The following STXBP5L variants were observed in gnomAD, a reference collection of about 807,000 sequenced individuals.
STXBP5L encodes the protein syntaxin binding protein 5L, also known as syntaxin-binding protein 5-like.
Under a neutral mutation model 144.5 loss-of-function variants are expected in STXBP5L, and 65 were observed. The observed-to-expected ratio is 0.45, with a 90% CI of 0.37 to 0.55. STXBP5L has a LOEUF of 0.55. Among genes scored for constraint, STXBP5L ranks in the 20% least tolerant of loss-of-function variants. The pLI, the probability that STXBP5L is intolerant of heterozygous loss-of-function variation, is 0.00. For missense variants in STXBP5L, 1,298 were observed against 1,405.5 expected (o/e 0.92, Z 1.22); for synonymous variants, 505 against 469.6 (o/e 1.08, Z -0.97).
At chr3:120,985,721 G>A (rs1942226931) in intron 3 of STXBP5L, among the ~76,000 whole-genome samples, 1 of 151,772 alleles carries the variant, frequency 6.6e-6, no homozygotes. Flanking sequence ...ATTGTTATAG[G>A]ATTGCCTTAT....
Position 121,143,513 on chromosome 3 carries a change from G to A in STXBP5L, c.670-8964G>A, listed in dbSNP as rs962448678. On this transcript the variant is annotated intron_variant, in intron 7 of 26. Coordinates refer to ENST00000471454, the MANE Select transcript of STXBP5L (RefSeq NM_001308330.2). The stretch of plus-strand genomic sequence containing the variant: ...GTGGGATCTATCTCTGAAGTGCAAG[G>A]ATGATTCAACACATAATAATAACAC... Among the ~76,000 whole-genome samples the A allele has an allele frequency of 3.3e-5, 5 of 151,822 alleles. 1 individual carries two copies. The highest frequency in any genetic ancestry group is 4.1e-4 in the South Asian group (2 of 4,824).
At chr3:121,161,068 C>T (rs2046308272) in intron 9 of STXBP5L, among the ~76,000 whole-genome samples, 1 of 151,838 alleles carries the variant, frequency 6.6e-6, no homozygotes. Context: ...ATCATCATGT[C>T]TTTTTTTAAT....
chr3:121,102,973 A>C (rs2043505917), intron 5 of STXBP5L, among the ~76,000 whole-genome samples: 1 of 152,200 alleles, frequency 6.6e-6, no homozygotes, highest in Non-Finnish European at 1.5e-5. Flanking sequence ...TAATCATCAG[A>C]GAAATGCAAA....
intron 3 of STXBP5L, among the ~76,000 whole-genome samples, chr3:121,034,672 T>C (rs1226733688): frequency 2.0e-5 from 3 of 152,156 alleles, no homozygotes; most frequent in Non-Finnish European, 4.4e-5. Context: ...CGAATAGTGC[T>C]GCAATAAACT....
intron 5 of STXBP5L, among the ~76,000 whole-genome samples, chr3:121,055,151 C>G (rs1948361151): frequency 6.6e-6 from 1 of 152,042 alleles, no homozygotes; most frequent in African/African-American, 2.4e-5. Flanking sequence ...ATATTTATCT[C>G]TTAAGAAAGA....
At position 120,992,943 on chromosome 3, in the gene STXBP5L, C is replaced by T. The variant is rs368613183; in HGVS notation, c.287+37906C>T. Among the ~76,000 whole-genome samples, 24 of 152,174 alleles carry T rather than the reference C, an allele frequency of 1.6e-4. No individual in the cohort carries two copies. The East Asian group carries it at 3.7e-3, about 23-fold the overall frequency. On this transcript the variant is annotated intron_variant, in intron 3 of 26. Coordinates refer to ENST00000471454, the MANE Select transcript of STXBP5L (RefSeq NM_001308330.2). ...ACCCGTGTATAAGAGTTCCTTTTCTCCACATCCTTGCCAGTATCTGCTATT... is the reference window on the plus strand; with the variant it reads ...ACCCGTGTATAAGAGTTCCTTTTCTTCACATCCTTGCCAGTATCTGCTATT...
chr3:121,336,175 A>G (rs900370286), intron 20 of STXBP5L, among the ~76,000 whole-genome samples: 1 of 152,216 alleles, frequency 6.6e-6, no homozygotes, highest in Non-Finnish European at 1.5e-5. Context: ...GTTCAATATC[A>G]GTGGTTATTA....
chr3:121,364,632 TG>T (rs1443604979), intron 20 of STXBP5L, among the ~76,000 whole-genome samples: 1 of 152,044 alleles, frequency 6.6e-6, no homozygotes, highest in Non-Finnish European at 1.5e-5. Flanking sequence ...TTTTCAGTAA[TG>T]TTTTATAGAT....
intron 5 of STXBP5L, among the ~76,000 whole-genome samples, chr3:121,060,970 C>T (rs1193923493): frequency 6.6e-6 from 1 of 152,118 alleles, no homozygotes; most frequent in Non-Finnish European, 1.5e-5. Context: ...TCTCTATCTC[C>T]TTCAGTTCTG....
At chr3:121,170,113 T>C (rs2046652219) in intron 9 of STXBP5L, among the ~76,000 whole-genome samples, 1 of 152,062 alleles carries the variant, frequency 6.6e-6, no homozygotes, top group South Asian at 2.1e-4. Context: ...AATAATGAAA[T>C]TAAGGCAGAA....
intron 3 of STXBP5L, among the ~76,000 whole-genome samples, chr3:121,032,250 CAA>C (rs11425726): frequency 7.4e-5 from 10 of 135,150 alleles, no homozygotes; most frequent in African/African-American, 7.9e-5. Flanking sequence ...AAGTGATGGG[CAA>C]AAAAAAAAAA....
At chr3:121,198,211 T>G (rs1477834422) in intron 9 of STXBP5L, among the ~76,000 whole-genome samples, 2 of 152,242 alleles carry the variant, frequency 1.3e-5, no homozygotes, top group Non-Finnish European at 2.9e-5. Context: ...GGTATCTCAT[T>G]GTGGTTTTGA....
At chr3:121,027,038 G>A (rs533192012) in intron 3 of STXBP5L, among the ~76,000 whole-genome samples, 2 of 151,708 alleles carry the variant, frequency 1.3e-5, no homozygotes, top group South Asian at 4.2e-4. Context: ...GCATATATTG[G>A]TGTGGCATAT....
At chr3:121,087,400 G>A (rs1488692793) in intron 5 of STXBP5L, among the ~76,000 whole-genome samples, 2 of 151,854 alleles carry the variant, frequency 1.3e-5, no homozygotes, top group African/African-American at 4.8e-5. Context: ...TATCTTCTTG[G>A]TAGAGTGACC....
chr3:121,308,715 A>C (rs2043423220), intron 19 of STXBP5L, among the ~76,000 whole-genome samples: 1 of 152,130 alleles, frequency 6.6e-6, no homozygotes, highest in African/African-American at 2.4e-5. Flanking sequence ...AAAATGGTAA[A>C]TGGTAAATCA....
At chr3:121,248,745 T>G (rs2049938743) in intron 14 of STXBP5L, among the ~76,000 whole-genome samples, 1 of 152,168 alleles carries the variant, frequency 6.6e-6, no homozygotes, top group Non-Finnish European at 1.5e-5. Context: ...AGAGTATTTC[T>G]TAGGTTTTCT....
intron 3 of STXBP5L, among the ~76,000 whole-genome samples, chr3:120,976,308 C>G (rs1028788763): frequency 2.0e-5 from 3 of 152,108 alleles, no homozygotes; most frequent in South Asian, 2.1e-4. Context: ...TCCATTTTTC[C>G]TAGATTTTCT....
chr3:121,003,773 C>A (rs546850015), intron 3 of STXBP5L, among the ~76,000 whole-genome samples: 14,947 of 151,926 alleles, frequency 0.098, 1,134 homozygotes, highest in Admixed American at 0.2. Flanking sequence ...CTACATATGG[C>A]TAGGCAGTTT....
At chr3:121,032,576 C>A (rs1337687325) in intron 3 of STXBP5L, among the ~76,000 whole-genome samples, 1 of 146,400 alleles carries the variant, frequency 6.8e-6, no homozygotes, top group Non-Finnish European at 1.5e-5. Flanking sequence ...CAAATGGGAT[C>A]TAATTAAACT....
Sources: allele counts gnomAD v4.1 joint callset (sites outside exome capture counted in the v4.1 genomes callset), GRCh38; gene constraint gnomAD v4.1.1; transcripts MANE v1.5; gene names NCBI Gene and HGNC (gene_info 2026-07-23, HGNC 2026-07-21).